DISP3: variants seen among roughly 807,000 people sequenced by gnomAD.
DISP3 encodes the protein protein dispatched homolog 3.
A neutral mutation model predicts 135.3 loss-of-function variants in DISP3; 101 were observed. The ratio of observed to expected loss-of-function variants is 0.75; its 90% CI spans 0.64 to 0.88. The LOEUF (loss-of-function observed/expected upper bound fraction) is 0.88. Ranked by LOEUF, DISP3 falls within the 40% of genes least tolerant of loss-of-function variation. The probability of loss-of-function intolerance (pLI) is 0.00; values close to 1 mark genes in which losing one functional copy is unlikely to be tolerated. For synonymous variants in DISP3, 856 were observed against 817.0 expected, an observed-to-expected ratio of 1.05 and a Z score of -0.81; for missense variants, 1,713 against 1,878.6, an observed-to-expected ratio of 0.91 and a Z score of 1.63.
At position 11,520,152 on chromosome 1, in the gene DISP3, AGTCCCAGTTTGGCCGC is replaced by A. The variant is rs570763078; in HGVS notation, c.2200+277_2200+292del. Among the ~76,000 whole-genome samples, 78 of 152,300 alleles carry A rather than the reference AGTCCCAGTTTGGCCGC, an allele frequency of 5.1e-4. 2 individuals are homozygous for A. In the East Asian group the frequency reaches 0.014, roughly 28 times the overall value. On this transcript the variant is annotated intron_variant, in intron 9 of 20. Transcript: ENST00000294484. This position sits in a 1 kb window ranked among gnomAD's most constrained non-coding sequence, Gnocchi z 4.8. ...CTGGAGTTAGACCCACTTGAGTCTGAGTCCCAGTTTGGCCGCGTCCTAGCTGTGTGAATTTGGCTAT... is the reference window on the plus strand; with the variant it reads ...CTGGAGTTAGACCCACTTGAGTCTGAGTCCTAGCTGTGTGAATTTGGCTAT...
In DISP3 at chr1:11,491,889, G is replaced by A. The variant is rs1213667737; in HGVS notation, c.-3-9101G>A. Reference sequence around the variant, plus strand: ...TGTAATCCCAGCACTTTGGGAGGCCGAGGCGGGCGGATCACGAGGTCAGGA... The same window carrying A: ...TGTAATCCCAGCACTTTGGGAGGCCAAGGCGGGCGGATCACGAGGTCAGGA... On this transcript the variant is annotated intron_variant, in intron 1 of 20. Coordinates refer to ENST00000294484, the MANE Select transcript of DISP3 (RefSeq NM_020780.2). This position sits in a 1 kb window ranked among gnomAD's most constrained non-coding sequence, Gnocchi z 4.3. 2.0e-5 allele frequency among the ~76,000 whole-genome samples: 3 copies of A among 151,874 alleles called. No homozygotes were observed. The highest frequency in any genetic ancestry group is 4.8e-5 in the African/African-American group (2 of 41,336).
At chr1:11,508,300 C>T (rs1207697942) in intron 3 of DISP3, among the ~76,000 whole-genome samples, 1 of 152,034 alleles carries the variant, frequency 6.6e-6, no homozygotes, top group African/African-American at 2.4e-5. Context: ...TGCCTGTAGT[C>T]CTTGCTACTT....
intron 3 of DISP3, among the ~76,000 whole-genome samples, chr1:11,503,307 A>G (rs2100417808): frequency 6.6e-6 from 1 of 152,338 alleles, no homozygotes; most frequent in East Asian, 1.9e-4. Context: ...GAGGAGATTT[A>G]TTAGAGGAAT....
chr1:11,483,300 G>A lies in DISP3; in HGVS notation c.-4+3928G>A, dbSNP rs181548303. Reference sequence around the variant, plus strand: ...GCCTCAGGTCCTCCGCCTTATGATGGGAGGCTGGTGATAACAATACCAACC... The same window carrying A: ...GCCTCAGGTCCTCCGCCTTATGATGAGAGGCTGGTGATAACAATACCAACC... On this transcript the variant is annotated intron_variant, in intron 1 of 20. Transcript: ENST00000294484. This position sits in a 1 kb window ranked among gnomAD's most constrained non-coding sequence, Gnocchi z 5.4. Among the ~76,000 whole-genome samples the A allele has an allele frequency of 7.9e-5, 12 of 152,350 alleles. No individual in the cohort carries two copies. In the East Asian group the frequency reaches 1.7e-3, roughly 22 times the overall value.
Position 11,509,978 on chromosome 1 carries a change from A to T in DISP3, c.1317-4412A>T, listed in dbSNP as rs532422337. On this transcript the variant is annotated intron_variant, in intron 3 of 20. Transcript: ENST00000294484. ...GCTGGGCGTGGTGGTGGGTGCCTGTAGTCCAAGCTATTGGGGAGGCTGAGG... is the reference window on the plus strand; with the variant it reads ...GCTGGGCGTGGTGGTGGGTGCCTGTTGTCCAAGCTATTGGGGAGGCTGAGG... Among the ~76,000 whole-genome samples the T allele has an allele frequency of 6.6e-5, 10 of 152,278 alleles. No individual in the cohort carries two copies. In the East Asian group the frequency reaches 1.5e-3, roughly 23 times the overall value.
Position 11,519,721 on chromosome 1 carries a change from T to C in DISP3, c.2041T>C (p.Ser681Pro), listed in dbSNP as rs1209929509. The part of the protein sequence containing the change: ...PLLEVEEEPV[S>P]LELGDVSLVS... ...GGGCCACTGCTCTGCCCTGGCAGTG[T>C]CACTGGAGCTGGGAGACGTGTCCCT... Residue 681 changes from serine to proline, a missense_variant and splice_region_variant, in exon 9 of 21, where the codon TCA (serine) becomes CCA (proline). Ser to Pro is a moderately conservative substitution (Grantham distance 74). Coordinates refer to ENST00000294484, the MANE Select transcript of DISP3 (RefSeq NM_020780.2). The surrounding 1 kb of genome is among the most constrained non-coding windows in gnomAD (Gnocchi z 4.3). The C allele has an allele frequency of 6.2e-7, 1 of 1,612,406 alleles. No homozygotes were observed. The highest frequency in any genetic ancestry group is 8.5e-7 in the Non-Finnish European group (1 of 1,179,818).
Position 11,517,553 on chromosome 1 carries a change from G to A in DISP3, c.1840G>A (p.Gly614Ser). Residue 614 changes from glycine (G) to serine (S), a missense_variant, in exon 7 of 21, where the codon GGC becomes AGC. By Grantham distance (56) the Gly-to-Ser change is moderately conservative. Transcript: ENST00000294484. ...AVLVTMPAAL[G>S]LWSLYLAPLE... ...GCTTGTCACCATGCCTGCAGCTCTGGGCCTCTGGAGCCTCTACCTGGCACC... is the reference window on the plus strand; with the variant it reads ...GCTTGTCACCATGCCTGCAGCTCTGAGCCTCTGGAGCCTCTACCTGGCACC... The A allele has an allele frequency of 6.2e-7, 1 of 1,614,144 alleles. No individual in the cohort carries two copies. Among genetic ancestry groups the A allele is most frequent in the Non-Finnish European group, 8.5e-7 (1 of 1,180,040 alleles).
chr1:11,527,547 CAA>C (rs35666879), intron 13 of DISP3, among the ~76,000 whole-genome samples: 25 of 123,246 alleles, frequency 2.0e-4, no homozygotes, highest in Admixed American at 2.5e-4. Context: ...GACTCCATCT[CAA>C]AAAAAAAAAA....
At chr1:11,492,969 G>A (rs1273995925) in intron 1 of DISP3, among the ~76,000 whole-genome samples, 2 of 152,206 alleles carry the variant, frequency 1.3e-5, no homozygotes, top group Non-Finnish European at 2.9e-5. Flanking sequence ...CTAGGATGGG[G>A]CTCCCTGCTT....
At chr1:11,511,532 G>A (rs1641854750) in intron 3 of DISP3, among the ~76,000 whole-genome samples, 2 of 152,226 alleles carry the variant, frequency 1.3e-5, no homozygotes, top group African/African-American at 4.8e-5. Flanking sequence ...TCACACGGAT[G>A]CAAGAGGTGG....
At chr1:11,525,359 G>T in intron 12 of DISP3, 47 bp downstream of exon 12, 1 of 1,585,660 alleles carries the variant, frequency 6.3e-7, no homozygotes, top group Non-Finnish European at 8.6e-7. Context: ...TGTGGGTGGT[G>T]GGGGGCTCTC....
At chr1:11,487,256 G>A (rs1022133649) in intron 1 of DISP3, among the ~76,000 whole-genome samples, 1 of 152,222 alleles carries the variant, frequency 6.6e-6, no homozygotes, top group Non-Finnish European at 1.5e-5. Flanking sequence ...GCCCTGAGTC[G>A]GAGGAGCCTG....
Position 11,531,654 on chromosome 1 carries a change from G to T in DISP3, c.3319G>T (p.Gly1107Trp). 6.2e-7 allele frequency: 1 copy of T among 1,613,076 alleles called. No homozygotes were observed. Among genetic ancestry groups the T allele is most frequent in the Non-Finnish European group, 8.5e-7 (1 of 1,179,732 alleles). The change falls in exon 17 of 21, where the codon GGG becomes TGG. Residue 1107 changes from glycine to tryptophan, a missense_variant. Physicochemically the swap from Gly to Trp is radical, Grantham distance 184. This residue lies in a region of DISP3 where 1,142 missense variants were observed against 1,384.6 expected (regional missense o/e 0.82). Coordinates refer to ENST00000294484, the MANE Select transcript of DISP3 (RefSeq NM_020780.2). The surrounding 1 kb of genome is among the most constrained non-coding windows in gnomAD (Gnocchi z 5.2). ...PNLLPGQLSH[G>W]AVGVREGRVQ... is the part of the protein sequence containing the mutation. ...CCTGCTCCCGGGGCAGCTGTCCCAC[G>T]GGGCAGTGGGCGTCAGGGAGGGCCG...
intron 1 of DISP3, among the ~76,000 whole-genome samples, chr1:11,492,327 G>C (rs1054033683): frequency 2.0e-5 from 3 of 152,122 alleles, no homozygotes; most frequent in Non-Finnish European, 2.9e-5. Flanking sequence ...GGATCCCTCT[G>C]GTGTTGGCTG....
At position 11,520,943 on chromosome 1, in the gene DISP3, A is replaced by G. The variant is rs1642170083; in HGVS notation, c.2362+95A>G. 2 of 1,376,526 alleles carry G rather than the reference A, an allele frequency of 1.5e-6. No individual in the cohort carries two copies. The highest frequency in any genetic ancestry group is 2.4e-5 in the Admixed American group (1 of 41,342). The allele number at this position is 1,376,526 out of a possible 1,614,324, so 85.3% of individuals were successfully genotyped here. ...GATGCAGGATCCAGGGTCCCCATCA[A>G]TGCCAGACCTCAGGCAAATCCCACT... On this transcript the variant is annotated intron_variant, in intron 10 of 20. Coordinates refer to ENST00000294484, the MANE Select transcript of DISP3 (RefSeq NM_020780.2). This position sits in a 1 kb window ranked among gnomAD's most constrained non-coding sequence, Gnocchi z 4.8.
rs1274441910 is a variant in DISP3, at chr1:11,497,125, T to C, written c.-3-3865T>C. On this transcript the variant is annotated intron_variant, in intron 1 of 20. Coordinates refer to ENST00000294484, the MANE Select transcript of DISP3 (RefSeq NM_020780.2). The stretch of plus-strand genomic sequence containing the variant: ...ATCCTTCCCAACCCGGAGGAAGCTA[T>C]ATCCCCTGCCTATGCTTATGTGGCT... Among the ~76,000 whole-genome samples the C allele has an allele frequency of 2.0e-5, 3 of 152,350 alleles. No homozygotes were observed. The East Asian group carries it at 5.8e-4, about 29-fold the overall frequency.
At position 11,529,854 on chromosome 1, in the gene DISP3, G is replaced by A. The variant is rs2076468; in HGVS notation, c.2997G>A (p.Pro999=). 0.15 allele frequency: 237,495 copies of A among 1,613,910 alleles called. 19,961 individuals are homozygous for A. The highest frequency in any genetic ancestry group is 0.43 in the East Asian group (19,261 of 44,850). Residue 999 remains proline (P), a synonymous_variant, in exon 15 of 21, where the codon CCG becomes CCA. Coordinates refer to ENST00000294484, the MANE Select transcript of DISP3 (RefSeq NM_020780.2). The surrounding 1 kb of genome is among the most constrained non-coding windows in gnomAD (Gnocchi z 4.7). The stretch of plus-strand genomic sequence containing the variant: ...GCGTGAACACGGGCTGCGGGAAGCC[G>A]GCGGTGCGGCCACTAGTGGATACCG... ...NPCVNTGCGK[P]AVRPLVDTGA...
At chr1:11,500,900 G>C in intron 1 of DISP3, 90 bp from the exon 2 acceptor site, 2 of 1,429,814 alleles carry the variant, frequency 1.4e-6, no homozygotes, top group Admixed American at 3.9e-5. Context: ...TGAGTGGACA[G>C]GGTTGGTACC....
At chr1:11,511,458 A>C (rs906025814) in intron 3 of DISP3, among the ~76,000 whole-genome samples, 2 of 152,244 alleles carry the variant, frequency 1.3e-5, no homozygotes, top group Admixed American at 1.3e-4. Context: ...CCAGCAGGGC[A>C]GTCAAATTTT....
Sources: allele counts gnomAD v4.1 joint callset (sites outside exome capture counted in the v4.1 genomes callset), GRCh38; gene constraint gnomAD v4.1.1; regional missense constraint gnomAD v4.1.1; non-coding constraint Gnocchi (gnomAD v3.1); transcripts MANE v1.5; gene names NCBI Gene and HGNC (gene_info 2026-07-23, HGNC 2026-07-21).